The following CCDC91 variants were observed in gnomAD, a reference collection of about 807,000 sequenced individuals.
The protein encoded by CCDC91 is coiled-coil domain containing 91.
Under a neutral mutation model 63.2 loss-of-function variants are expected in CCDC91, and 48 were observed. That is an observed-to-expected ratio of 0.76 (90% CI 0.60 to 0.97). The LOEUF (loss-of-function observed/expected upper bound fraction) is 0.97, where lower values mean the gene tolerates loss of function less well. Among genes scored for constraint, CCDC91 ranks in the 50% least tolerant of loss-of-function variants. CCDC91 has a pLI of 0.00. For missense variants in CCDC91, 500 were observed against 494.6 expected, an observed-to-expected ratio of 1.01 and a Z score of -0.10; for synonymous variants, 167 against 165.8, an observed-to-expected ratio of 1.01 and a Z score of -0.06.
intron 12 of CCDC91, among the ~76,000 whole-genome samples, chr12:28,505,826 T>G (rs1938641040): frequency 6.6e-6 from 1 of 151,994 alleles, no homozygotes. Context: ...TCAGTTTCTT[T>G]TCATTTGCCT....
In CCDC91 at chr12:28,303,367, CTCTT is replaced by C. The variant is rs565293792; in HGVS notation, c.110-2276_110-2273del. Among the ~76,000 whole-genome samples, 306 of 152,090 alleles carry C rather than the reference CTCTT, an allele frequency of 2.0e-3. 1 individual carries two copies. The highest frequency in any genetic ancestry group is 3.4e-3 in the Non-Finnish European group (232 of 67,966). The stretch of plus-strand genomic sequence containing the variant: ...TCCTCCTTCAACCTCTCCCTTTCAT[CTCTT>C]TCTTTTTCTCTTTTCTTTCTTACTC... On this transcript the variant is annotated intron_variant, in intron 3 of 12. Transcript: ENST00000536442.
rs1951586570 is a variant in CCDC91, at chr12:28,484,041, C to G, written c.1102-11C>G. ...CACCTCCCTGACTGTTTTGCCTTCT[C>G]CCACAAACAGGAAACTGTTAAGGCA... On this transcript the variant is annotated splice_polypyrimidine_tract_variant and intron_variant, in intron 11 of 12. Coordinates refer to ENST00000536442, the MANE Select transcript of CCDC91 (RefSeq NM_018318.5). The G allele has an allele frequency of 8.2e-6, 13 of 1,587,168 alleles. No homozygotes were observed. The highest frequency in any genetic ancestry group is 1.1e-5 in the Non-Finnish European group (13 of 1,159,870).
At chr12:28,518,833 G>A (rs1319402450) in intron 12 of CCDC91, among the ~76,000 whole-genome samples, 2 of 151,992 alleles carry the variant, frequency 1.3e-5, no homozygotes, top group South Asian at 2.1e-4. Flanking sequence ...ATTTGTATAA[G>A]GTGAGAGATA....
intron 3 of CCDC91, among the ~76,000 whole-genome samples, chr12:28,279,634 C>T (rs926652799): frequency 6.6e-6 from 1 of 151,980 alleles, no homozygotes; most frequent in African/African-American, 2.4e-5. Flanking sequence ...TCCTCCAGCT[C>T]TTTCAATTAT....
chr12:28,260,220 C>T (rs1418340582), intron 3 of CCDC91, among the ~76,000 whole-genome samples: 2 of 151,942 alleles, frequency 1.3e-5, no homozygotes, highest in South Asian at 4.1e-4. Flanking sequence ...ATGATTTTAT[C>T]ATCCATTTAT....
In CCDC91 at chr12:28,514,461, T is replaced by TG. The variant is rs554857145; in HGVS notation, c.1215+30296_1215+30297insG. On this transcript the variant is annotated intron_variant, in intron 12 of 12. Transcript: ENST00000536442. ...GTGCAGAACCTCTTTAGTTTTTTTT[T>TG]TTGTTTGTTTTTTGTTTTGTTTTAG... 3.1e-3 allele frequency among the ~76,000 whole-genome samples: 296 copies of TG among 96,128 alleles called. 2 individuals are homozygous for TG. Among genetic ancestry groups the TG allele is most frequent in the African/African-American group, 7.7e-3 (284 of 36,940 alleles). The allele number at this position is 96,128 out of a possible 152,430, so 63.1% of individuals were successfully genotyped here. A position where few individuals can be genotyped will look rare whatever the true frequency, so the allele number is the denominator to read the frequency against.
intron 12 of CCDC91, among the ~76,000 whole-genome samples, chr12:28,495,532 C>T (rs1209922340): frequency 2.6e-5 from 4 of 151,552 alleles, no homozygotes; most frequent in Non-Finnish European, 4.4e-5. Flanking sequence ...GCTACCTCAG[C>T]GTCCCATAAC....
At chr12:28,272,869 A>C (rs112988225) in intron 3 of CCDC91, among the ~76,000 whole-genome samples, 6,370 of 152,140 alleles carry the variant, frequency 0.042, 164 homozygotes, top group South Asian at 0.1. Flanking sequence ...TTTAAGTTTT[A>C]GAGTACGTGT....
At chr12:28,390,632 T>C (rs565727531) in intron 7 of CCDC91, among the ~76,000 whole-genome samples, 2 of 152,174 alleles carry the variant, frequency 1.3e-5, no homozygotes, top group South Asian at 4.1e-4. Context: ...TGACTTGAGT[T>C]CCAGCATTTA....
chr12:28,213,934 T>C (rs1193967618), intron 1 of CCDC91, among the ~76,000 whole-genome samples: 1 of 152,164 alleles, frequency 6.6e-6, no homozygotes, highest in Non-Finnish European at 1.5e-5. Context: ...AGGCTGTATA[T>C]ATGCTGGATC....
At chr12:28,338,543 TAGAG>T (rs1344325679) in intron 6 of CCDC91, among the ~76,000 whole-genome samples, 1 of 152,024 alleles carries the variant, frequency 6.6e-6, no homozygotes, top group African/African-American at 2.4e-5. Context: ...ATGCAAATAA[TAGAG>T]AGATACCAGG....
chr12:28,400,593 T>C (rs1347983787), intron 8 of CCDC91, among the ~76,000 whole-genome samples: 1 of 152,148 alleles, frequency 6.6e-6, no homozygotes, highest in African/African-American at 2.4e-5. Flanking sequence ...TTCCCAACTT[T>C]TATGCTCTAC....
At chr12:28,407,951 CAT>C (rs942509013) in intron 8 of CCDC91, among the ~76,000 whole-genome samples, 54 of 113,882 alleles carry the variant, frequency 4.7e-4, no homozygotes, top group African/African-American at 1.8e-3. Context: ...TAGATATATA[CAT>C]ATATATATAT....
chr12:28,430,009 GCC>G, intron 8 of CCDC91, among the ~76,000 whole-genome samples: 1 of 151,734 alleles, frequency 6.6e-6, no homozygotes, highest in African/African-American at 2.4e-5. Context: ...TTTTTTTCTA[GCC>G]TTCTAAATGT....
At chr12:28,379,392 A>T (rs1269546926) in intron 7 of CCDC91, among the ~76,000 whole-genome samples, 1 of 151,158 alleles carries the variant, frequency 6.6e-6, no homozygotes, top group African/African-American at 2.4e-5. Flanking sequence ...AAATTTTTGC[A>T]GTCTACCCAT....
intron 3 of CCDC91, among the ~76,000 whole-genome samples, chr12:28,278,276 C>A (rs1307204155): frequency 6.6e-6 from 1 of 151,930 alleles, no homozygotes; most frequent in African/African-American, 2.4e-5. Context: ...CTGATCTTCC[C>A]TTTTGACTTC....
At chr12:28,528,299 T>G (rs1941447742) in intron 12 of CCDC91, among the ~76,000 whole-genome samples, 1 of 152,138 alleles carries the variant, frequency 6.6e-6, no homozygotes, top group African/African-American at 2.4e-5. Flanking sequence ...CCACAGGGCT[T>G]TGCATGTTGC....
chr12:28,193,899 T>G lies in CCDC91; in HGVS notation c.-15+3258T>G, dbSNP rs139532612. On this transcript the variant is annotated intron_variant, in intron 1 of 12. Coordinates refer to ENST00000536442, the MANE Select transcript of CCDC91 (RefSeq NM_018318.5). ...CGTTTGTTCGTTTTTAATAGGGTTGTTTGTTATTGGTTTGCAAGTGTTTTA... is the reference window on the plus strand; with the variant it reads ...CGTTTGTTCGTTTTTAATAGGGTTGGTTGTTATTGGTTTGCAAGTGTTTTA... 4.7e-3 allele frequency among the ~76,000 whole-genome samples: 717 copies of G among 152,344 alleles called. 27 individuals carry two copies. Among genetic ancestry groups the G allele is most frequent in the Admixed American group, 0.044 (676 of 15,296 alleles).
chr12:28,328,919 G>A (rs1368509684), intron 6 of CCDC91, among the ~76,000 whole-genome samples: 2 of 152,004 alleles, frequency 1.3e-5, no homozygotes, highest in Non-Finnish European at 2.9e-5. Flanking sequence ...GTTTAAGTCA[G>A]TAGCTTAAAG....
Sources: gnomAD v4.1 joint callset for allele counts (sites outside exome capture counted in the v4.1 genomes callset) on GRCh38, gnomAD v4.1.1 for gene constraint, MANE v1.5 for transcripts, NCBI Gene and HGNC (gene_info 2026-07-23, HGNC 2026-07-21) for gene names.